ZC3H12B: variants seen among roughly 807,000 people sequenced by gnomAD.
ZC3H12B encodes the protein probable ribonuclease ZC3H12B.
In ZC3H12B, 7 loss-of-function variants were observed where a neutral mutation model predicts 43.9. The ratio of observed to expected loss-of-function variants is 0.16; its 90% CI spans 0.09 to 0.30. The LOEUF (loss-of-function observed/expected upper bound fraction) is 0.30, where lower values mean the gene tolerates loss of function less well. ZC3H12B is among the 10% of genes least tolerant of loss of function. ZC3H12B has a pLI of 1.00. For missense variants in ZC3H12B, 475 were observed against 670.2 expected, an observed-to-expected ratio of 0.71 and a Z score of 3.22; for synonymous variants, 222 against 241.7, an observed-to-expected ratio of 0.92 and a Z score of 0.76.
At chrX:65,320,249 C>T in the ZC3H12B span, among the ~76,000 whole-genome samples, 1 of 111,574 alleles carries the variant, frequency 9.0e-6, no homozygotes. Flanking sequence ...TTCCGTTACA[C>T]CAACAACAGT....
the ZC3H12B span, among the ~76,000 whole-genome samples, chrX:65,256,634 G>A: frequency 9.0e-6 from 1 of 111,148 alleles, no homozygotes; most frequent in East Asian, 2.8e-4. Flanking sequence ...AGGACCTAGG[G>A]AAACAAGAGC....
At chrX:65,136,460 A>G in the ZC3H12B span, among the ~76,000 whole-genome samples, 4 of 111,600 alleles carry the variant, frequency 3.6e-5, no homozygotes, top group South Asian at 1.5e-3. Context: ...GCTACTTGTT[A>G]TAGCCTTGCT....
chrX:65,252,168 G>A, the ZC3H12B span, among the ~76,000 whole-genome samples: 1 of 111,676 alleles, frequency 9.0e-6, no homozygotes, highest in African/African-American at 3.3e-5. Flanking sequence ...TTTGTCAAAG[G>A]CCTTTTCTGC....
chrX:65,271,936 C>T, the ZC3H12B span: 20 of 126,901 alleles, frequency 1.6e-4, no homozygotes, highest in Admixed American at 1.1e-3. Context: ...GAGCCTAGGC[C>T]GGGTGCGGTG....
At chrX:65,506,393 G>A (rs1361306700) in exon 5 of ZC3H12B, 1 of 111,757 alleles carries the variant, frequency 8.9e-6, no homozygotes, top group South Asian at 3.8e-4. Context: ...TGAGGTCTAC[G>A]CACTTCTTGA....
the ZC3H12B span, among the ~76,000 whole-genome samples, chrX:65,240,315 AAGAT>A: frequency 9.0e-6 from 1 of 111,658 alleles, no homozygotes; most frequent in Non-Finnish European, 1.9e-5. Context: ...CGATTTCAGA[AAGAT>A]AGTCTTCAAG....
the ZC3H12B span, among the ~76,000 whole-genome samples, chrX:65,287,213 A>G: frequency 8.9e-6 from 1 of 111,814 alleles, no homozygotes; most frequent in Admixed American, 9.5e-5. Flanking sequence ...AGATCATTCT[A>G]TTCAACAACT....
chrX:65,224,394 C>G, the ZC3H12B span, among the ~76,000 whole-genome samples: 76 of 112,185 alleles, frequency 6.8e-4, no homozygotes, highest in African/African-American at 2.5e-3. Context: ...GGGGAGGGAG[C>G]CAAGATGGCC....
chrX:65,460,005 CA>C (rs1022665506), intron 3 of ZC3H12B, among the ~76,000 whole-genome samples: 3 of 112,075 alleles, frequency 2.7e-5, no homozygotes, highest in African/African-American at 9.7e-5. Flanking sequence ...GCAACTTCAG[CA>C]AAGTCTCAGG....
At chrX:65,122,897 G>T in the ZC3H12B span, among the ~76,000 whole-genome samples, 1 of 111,481 alleles carries the variant, frequency 9.0e-6, no homozygotes, top group Non-Finnish European at 1.9e-5. Context: ...AGTCCTTAGA[G>T]ACCTACAAAG....
At chrX:65,425,960 GA>G (rs2067076677) in intron 3 of ZC3H12B, among the ~76,000 whole-genome samples, 1 of 111,205 alleles carries the variant, frequency 9.0e-6, no homozygotes, top group Admixed American at 9.6e-5. Context: ...GTATCAGGAT[GA>G]TGTTGACCTC....
intron 2 of ZC3H12B, among the ~76,000 whole-genome samples, 153 bp from the exon 5 acceptor site, chrX:65,398,440 T>C (rs907156458): frequency 2.7e-5 from 3 of 111,837 alleles, no homozygotes; most frequent in Middle Eastern, 4.6e-3. Flanking sequence ...GTAATCCCCA[T>C]GTGTCAGGGA....
At chrX:65,412,851 GT>G (rs34143504) in intron 3 of ZC3H12B, among the ~76,000 whole-genome samples, 26,355 of 109,769 alleles carry the variant, frequency 0.24, 7,672 homozygotes, top group African/African-American at 0.83. Flanking sequence ...GTTTTGTTTT[GT>G]TTTTTTTGAG....
At chrX:65,212,602 A>T in the ZC3H12B span, among the ~76,000 whole-genome samples, 3 of 83,837 alleles carry the variant, frequency 3.6e-5, no homozygotes, top group Non-Finnish European at 6.5e-5. Context: ...TATAATATAT[A>T]ATTACATATA....
chrX:65,196,919 C>G, the ZC3H12B span, among the ~76,000 whole-genome samples: 5 of 111,997 alleles, frequency 4.5e-5, no homozygotes, highest in East Asian at 1.1e-3. Flanking sequence ...AAGGATAGCT[C>G]TTAGCCTGCC....
chrX:65,251,938 T>G, the ZC3H12B span, among the ~76,000 whole-genome samples: 2 of 111,228 alleles, frequency 1.8e-5, no homozygotes, highest in African/African-American at 3.3e-5. Flanking sequence ...ACTTTCTCCT[T>G]CCTGATTGCC....
chrX:65,382,350 A>T (rs762813184), intron 2 of ZC3H12B, among the ~76,000 whole-genome samples: 1 of 110,517 alleles, frequency 9.0e-6, no homozygotes, highest in East Asian at 2.8e-4. Context: ...AAAGACAAAA[A>T]CCACATGATT....
chrX:65,472,004 T>A (rs1157196025), intron 3 of ZC3H12B, among the ~76,000 whole-genome samples: 1 of 111,822 alleles, frequency 8.9e-6, no homozygotes, highest in African/African-American at 3.2e-5. Flanking sequence ...GTAGGATTGG[T>A]CTGGTAGTGA....
At chrX:65,378,606 GC>G (rs754495449) in intron 2 of ZC3H12B, among the ~76,000 whole-genome samples, 1 of 112,362 alleles carries the variant, frequency 8.9e-6, no homozygotes, top group South Asian at 3.7e-4. Context: ...TGGGGGAGGA[GC>G]CAAGATGGCC....
Sources: allele counts gnomAD v4.1 joint callset (sites outside exome capture counted in the v4.1 genomes callset), GRCh38; gene constraint gnomAD v4.1.1; transcripts MANE v1.5; gene names NCBI Gene and HGNC (gene_info 2026-07-23, HGNC 2026-07-21).